Variants in AGBL4 observed in about 807,000 individuals in gnomAD.
AGBL4 encodes the protein AGBL carboxypeptidase 4, also known as cytosolic carboxypeptidase 6.
In AGBL4, 58 loss-of-function variants were observed where a neutral mutation model predicts 66.4. The observed-to-expected ratio is 0.87, with a 90% CI of 0.71 to 1.09. AGBL4 has a LOEUF of 1.09. Ranked by LOEUF, AGBL4 falls within the 50% of genes least tolerant of loss-of-function variation. The pLI is 0.00. For synonymous variants in AGBL4, 234 were observed against 222.9 expected (o/e 1.05, Z -0.44); for missense variants, 579 against 631.0 (o/e 0.92, Z 0.88).
intron 1 of AGBL4, among the ~76,000 whole-genome samples, chr1:49,896,475 A>T (rs34056301): frequency 6.6e-6 from 1 of 151,334 alleles, no homozygotes; most frequent in Non-Finnish European, 1.5e-5. Context: ...GATGAATTTT[A>T]CCAAATATTT....
intron 3 of AGBL4, among the ~76,000 whole-genome samples, chr1:49,602,382 GA>G (rs1353792346): frequency 4.6e-5 from 7 of 152,176 alleles, no homozygotes; most frequent in African/African-American, 1.7e-4. Context: ...CTACTATAAA[GA>G]TACATGCACA....
At chr1:49,445,745 T>G (rs1171627329) in intron 3 of AGBL4, among the ~76,000 whole-genome samples, 3 of 152,160 alleles carry the variant, frequency 2.0e-5, no homozygotes, top group Admixed American at 1.3e-4. Flanking sequence ...CTTTGGTAAA[T>G]TTCCCATTCA....
intron 3 of AGBL4, among the ~76,000 whole-genome samples, chr1:49,577,299 G>A (rs1644456165): frequency 6.6e-6 from 1 of 152,118 alleles, no homozygotes; most frequent in African/African-American, 2.4e-5. Flanking sequence ...TCGCCCAATG[G>A]GCCCATGAAT....
At chr1:49,608,445 G>C (rs1645098033) in intron 3 of AGBL4, among the ~76,000 whole-genome samples, 1 of 152,056 alleles carries the variant, frequency 6.6e-6, no homozygotes, top group Non-Finnish European at 1.5e-5. Context: ...GAGTTTGTTA[G>C]GTAAATTTCA....
chr1:49,884,824 A>G (rs950286305), intron 1 of AGBL4, among the ~76,000 whole-genome samples: 15 of 151,916 alleles, frequency 9.9e-5, no homozygotes, highest in Non-Finnish European at 2.1e-4. Context: ...AATTATGAAC[A>G]TATTTTGGGG....
chr1:49,747,778 T>A (rs1462925142), intron 2 of AGBL4, among the ~76,000 whole-genome samples: 1 of 152,166 alleles, frequency 6.6e-6, no homozygotes, highest in Non-Finnish European at 1.5e-5. Context: ...TCTTTCACAG[T>A]TCCTAGAAGG....
intron 4 of AGBL4, among the ~76,000 whole-genome samples, chr1:49,203,318 T>C (rs1312361667): frequency 6.6e-6 from 1 of 152,096 alleles, no homozygotes; most frequent in Non-Finnish European, 1.5e-5. Context: ...AATATTTGTA[T>C]ACCACATTCA....
chr1:48,624,812 C>T (rs779641303), intron 9 of AGBL4, among the ~76,000 whole-genome samples: 4 of 152,128 alleles, frequency 2.6e-5, no homozygotes, highest in African/African-American at 4.8e-5. Context: ...GAGAGTGTCA[C>T]TTGGCTTGGA....
At chr1:49,262,241 T>G (rs866490109) in intron 3 of AGBL4, among the ~76,000 whole-genome samples, 3 of 152,160 alleles carry the variant, frequency 2.0e-5, no homozygotes, top group African/African-American at 7.2e-5. Context: ...ATTCAGGACA[T>G]AGGCATGGGC....
At chr1:49,798,264 T>C (rs190019304) in intron 2 of AGBL4, among the ~76,000 whole-genome samples, 1 of 152,334 alleles carries the variant, frequency 6.6e-6, no homozygotes, top group Non-Finnish European at 1.5e-5. Context: ...AGATAACAAA[T>C]CTGCCTCAGA....
chr1:49,563,062 T>G (rs1050129824), intron 3 of AGBL4, among the ~76,000 whole-genome samples: 8 of 152,094 alleles, frequency 5.3e-5, no homozygotes, highest in Non-Finnish European at 1.2e-4. Context: ...TTTTATTCTC[T>G]TTGAAGCAAT....
At chr1:48,564,032 AG>A (rs981380966) in intron 11 of AGBL4, among the ~76,000 whole-genome samples, 2 of 152,112 alleles carry the variant, frequency 1.3e-5, no homozygotes, top group African/African-American at 2.4e-5. Flanking sequence ...ATGATCAGCC[AG>A]GGGGGTATTG....
At chr1:50,004,508 C>T (rs1178615473) in intron 1 of AGBL4, among the ~76,000 whole-genome samples, 3 of 152,162 alleles carry the variant, frequency 2.0e-5, no homozygotes, top group African/African-American at 7.2e-5. Flanking sequence ...AAAAGTGACA[C>T]CTTCCTTCCT....
At chr1:48,651,473 C>T (rs1432732883) in intron 8 of AGBL4, among the ~76,000 whole-genome samples, 1 of 152,160 alleles carries the variant, frequency 6.6e-6, no homozygotes, top group Non-Finnish European at 1.5e-5. Context: ...GACCGCTGCT[C>T]TTGTAATTAA....
rs868404750 is a variant in AGBL4 at position 49,042,151 on chromosome 1, T to C, written c.594+3433A>G. Among the ~76,000 whole-genome samples, 47 of 152,208 alleles carry C rather than the reference T, an allele frequency of 3.1e-4. 1 individual carries two copies. Among genetic ancestry groups the C allele is most frequent in the African/African-American group, 1.1e-3 (45 of 41,538 alleles). On this transcript the variant is annotated intron_variant, in intron 5 of 13. Transcript: ENST00000371839. The stretch of plus-strand genomic sequence containing the variant: ...TATATCAAGACTTGTATATATACCT[T>C]GTATATATACAAGTACACAGTGCCT...
intron 5 of AGBL4, among the ~76,000 whole-genome samples, chr1:48,888,763 A>G (rs1650622718): frequency 6.6e-6 from 1 of 152,224 alleles, no homozygotes; most frequent in Admixed American, 6.5e-5. Flanking sequence ...TTGGAATACA[A>G]GCTCAATGCA....
At chr1:49,753,324 A>G (rs935401275) in intron 2 of AGBL4, among the ~76,000 whole-genome samples, 1 of 152,202 alleles carries the variant, frequency 6.6e-6, no homozygotes, top group Non-Finnish European at 1.5e-5. Context: ...TCCTTTGCCT[A>G]TGAAGCTTAG....
chr1:48,992,108 G>T (rs952529520), intron 5 of AGBL4, among the ~76,000 whole-genome samples: 3 of 152,122 alleles, frequency 2.0e-5, no homozygotes, highest in Non-Finnish European at 4.4e-5. Context: ...CACAGTCTGG[G>T]TTAATTTGTA....
chr1:49,733,617 G>T (rs927319703), intron 2 of AGBL4, among the ~76,000 whole-genome samples: 1 of 152,170 alleles, frequency 6.6e-6, no homozygotes, highest in African/African-American at 2.4e-5. Context: ...AAATTCACAT[G>T]TTGGAAACTG....
Sources: gnomAD v4.1 joint callset for allele counts (sites outside exome capture counted in the v4.1 genomes callset) on GRCh38, gnomAD v4.1.1 for gene constraint, MANE v1.5 for transcripts, NCBI Gene and HGNC (gene_info 2026-07-23, HGNC 2026-07-21) for gene names.